The following STK39 variants were observed in gnomAD, a reference collection of about 807,000 sequenced individuals.
STK39 encodes STE20/SPS1-related proline-alanine-rich protein kinase.
STK39 carries 20 observed loss-of-function variants against 77.8 expected under a neutral mutation model. The ratio of observed to expected loss-of-function variants is 0.26; its 90% CI spans 0.18 to 0.37. The LOEUF (loss-of-function observed/expected upper bound fraction) is 0.37, where lower values mean the gene tolerates loss of function less well. STK39 is among the 10% of genes least tolerant of loss of function. The pLI is 1.00. For missense variants in STK39, 479 were observed against 656.5 expected, an observed-to-expected ratio of 0.73 and a Z score of 2.95; for synonymous variants, 246 against 234.1, an observed-to-expected ratio of 1.05 and a Z score of -0.47.
intron 17 of STK39, among the ~76,000 whole-genome samples, chr2:167,958,139 T>G (rs905743548): frequency 8.3e-4 from 126 of 152,340 alleles, no homozygotes; most frequent in African/African-American, 3.0e-3. Flanking sequence ...GTTCAAACTT[T>G]GGGGTCTTAG....
At chr2:168,234,347 A>G (rs2105266922) in intron 1 of STK39, among the ~76,000 whole-genome samples, 2 of 152,310 alleles carry the variant, frequency 1.3e-5, no homozygotes, top group South Asian at 4.1e-4. Flanking sequence ...GAAGGACTGT[A>G]CCCTATTTCT....
At chr2:168,006,431 T>C (rs544757532) in intron 16 of STK39, among the ~76,000 whole-genome samples, 1 of 152,190 alleles carries the variant, frequency 6.6e-6, no homozygotes, top group Non-Finnish European at 1.5e-5. Flanking sequence ...AATTTTGTGT[T>C]TTGCATTTTT....
intron 5 of STK39, among the ~76,000 whole-genome samples, chr2:168,142,979 C>A (rs1325621543): frequency 2.6e-5 from 4 of 152,142 alleles, no homozygotes; most frequent in Non-Finnish European, 5.9e-5. Flanking sequence ...ACAGTTAGAA[C>A]AAGGTGGCAG....
chr2:168,202,730 T>C (rs1312700871), intron 1 of STK39, among the ~76,000 whole-genome samples: 2 of 150,822 alleles, frequency 1.3e-5, no homozygotes, highest in East Asian at 1.9e-4. Flanking sequence ...AAACATAATA[T>C]GTGAAGAATC....
chr2:167,999,854 C>A (rs1387143950), intron 16 of STK39, among the ~76,000 whole-genome samples: 2 of 152,194 alleles, frequency 1.3e-5, no homozygotes, highest in African/African-American at 4.8e-5. Flanking sequence ...CCTCCCGCTA[C>A]TTCTGCATGG....
intron 16 of STK39, among the ~76,000 whole-genome samples, chr2:168,011,500 T>C (rs188318939): frequency 3.3e-5 from 5 of 152,178 alleles, no homozygotes; most frequent in African/African-American, 1.2e-4. Flanking sequence ...TTAGGGTTAT[T>C]ATGATTATAC....
chr2:168,197,680 C>A (rs1161994043), intron 1 of STK39, among the ~76,000 whole-genome samples: 2 of 152,132 alleles, frequency 1.3e-5, no homozygotes, highest in Admixed American at 1.3e-4. Context: ...TGTAGGTATT[C>A]TTTCCATTCA....
chr2:168,162,349 G>A (rs944360848), intron 4 of STK39, among the ~76,000 whole-genome samples: 19 of 150,462 alleles, frequency 1.3e-4, no homozygotes, highest in African/African-American at 4.6e-4. Context: ...TAGTTTACTC[G>A]TGGGGGAGAG....
At chr2:167,956,956 A>G (rs1016513029) in intron 17 of STK39, among the ~76,000 whole-genome samples, 1 of 152,036 alleles carries the variant, frequency 6.6e-6, no homozygotes, top group Non-Finnish European at 1.5e-5. Context: ...GCCCTTTCCA[A>G]TCACCACAAT....
chr2:168,208,490 A>G (rs563915227), intron 1 of STK39, among the ~76,000 whole-genome samples: 1 of 152,332 alleles, frequency 6.6e-6, no homozygotes, highest in African/African-American at 2.4e-5. Flanking sequence ...AGACACCATT[A>G]TGGAAAACTG....
At chr2:167,989,737 A>G (rs1559046635) in intron 16 of STK39, among the ~76,000 whole-genome samples, 4 of 152,242 alleles carry the variant, frequency 2.6e-5, no homozygotes, top group African/African-American at 9.6e-5. Context: ...CACTTAGTCC[A>G]ATTAAGTGTT....
chr2:168,046,027 A>T (rs1685231054), intron 14 of STK39, among the ~76,000 whole-genome samples: 1 of 152,174 alleles, frequency 6.6e-6, no homozygotes, highest in African/African-American at 2.4e-5. Context: ...CTTAGGGAGC[A>T]GACATATCGA....
chr2:168,020,929 C>T (rs1684554414), intron 14 of STK39, among the ~76,000 whole-genome samples: 1 of 152,092 alleles, frequency 6.6e-6, no homozygotes, highest in African/African-American at 2.4e-5. Flanking sequence ...AAAACAATCA[C>T]CAAGCATTCA....
intron 2 of STK39, among the ~76,000 whole-genome samples, chr2:168,174,359 A>G (rs978259061): frequency 2.6e-5 from 4 of 152,328 alleles, no homozygotes; most frequent in Admixed American, 2.6e-4. Context: ...GCTTCGTTAT[A>G]ATGTCATGAA....
At chr2:168,023,626 T>C (rs759868541) in intron 14 of STK39, among the ~76,000 whole-genome samples, 5 of 152,142 alleles carry the variant, frequency 3.3e-5, no homozygotes, top group African/African-American at 4.8e-5. Context: ...TACCGTCTCT[T>C]AGCCCATGCC....
chr2:168,129,812 C>T lies in STK39; in HGVS notation c.975-54G>A, dbSNP rs1878488. 1.7e-3 allele frequency: 2,698 copies of T among 1,587,856 alleles called. 40 individuals are homozygous for T. The African/African-American group carries it at 0.031, about 18-fold the overall frequency. ...AAACAATGACCACTTAATAAATGCA[C>T]TGCCTTGATGAAACAACTTAACCTT... On this transcript the variant is annotated intron_variant, in intron 8 of 17. Coordinates refer to ENST00000355999, the MANE Select transcript of STK39 (RefSeq NM_013233.3).
At chr2:167,989,799 C>T (rs729872) in intron 16 of STK39, among the ~76,000 whole-genome samples, 1 of 151,816 alleles carries the variant, frequency 6.6e-6, no homozygotes, top group Non-Finnish European at 1.5e-5. Flanking sequence ...GCAGGAAATT[C>T]TGAACTAAAA....
chr2:168,181,940 A>C (rs759461386), intron 2 of STK39, 38 bp downstream of exon 2: 4 of 1,578,434 alleles, frequency 2.5e-6, no homozygotes, highest in Non-Finnish European at 3.5e-6. Flanking sequence ...ATAGATTAAG[A>C]AAAGCAACCA....
At chr2:167,956,849 G>C (rs1331673815) in intron 17 of STK39, among the ~76,000 whole-genome samples, 2 of 151,536 alleles carry the variant, frequency 1.3e-5, no homozygotes, top group Non-Finnish European at 2.9e-5. Flanking sequence ...TGAATGACTG[G>C]GAATGGGCAA....
Sources: allele counts gnomAD v4.1 joint callset (sites outside exome capture counted in the v4.1 genomes callset), GRCh38; gene constraint gnomAD v4.1.1; transcripts MANE v1.5; gene names NCBI Gene and HGNC (gene_info 2026-07-23, HGNC 2026-07-21).